The following NRXN1 variants were observed in gnomAD, a reference collection of about 807,000 sequenced individuals.
NRXN1 encodes the protein neurexin 1, also known as neurexin-1.
A neutral mutation model predicts 150.9 loss-of-function variants in NRXN1; 39 were observed. The observed-to-expected ratio is 0.26, with a 90% CI of 0.20 to 0.34. NRXN1 has a LOEUF of 0.34. Among genes scored for constraint, NRXN1 ranks in the 10% least tolerant of loss-of-function variants. The pLI is 1.00. For synonymous variants in NRXN1, 924 were observed against 757.0 expected (o/e 1.22, Z -3.62); for missense variants, 1,815 against 1,949.9 (o/e 0.93, Z 1.30).
intron 2 of NRXN1, among the ~76,000 whole-genome samples, chr2:50,983,610 C>T (rs80296495): frequency 2.0e-5 from 3 of 152,048 alleles, no homozygotes; most frequent in African/African-American, 7.2e-5. Context: ...AAAGGCTTCA[C>T]ATTTATTTGC....
At chr2:50,220,586 G>A (rs1003948719) in intron 18 of NRXN1, among the ~76,000 whole-genome samples, 2 of 151,950 alleles carry the variant, frequency 1.3e-5, no homozygotes, top group African/African-American at 4.8e-5. Context: ...TCAACAGGAC[G>A]TATCCAATTT....
At chr2:50,284,922 T>A (rs2071930004) in intron 17 of NRXN1, among the ~76,000 whole-genome samples, 1 of 151,778 alleles carries the variant, frequency 6.6e-6, no homozygotes, top group Non-Finnish European at 1.5e-5. Context: ...AAAAAAAGAG[T>A]TAAGTTCCTG....
At chr2:50,482,392 T>C (rs1473653736) in intron 15 of NRXN1, among the ~76,000 whole-genome samples, 3 of 152,196 alleles carry the variant, frequency 2.0e-5, no homozygotes, top group Admixed American at 2.0e-4. Flanking sequence ...TAGGTAAAAA[T>C]TGGGTACAAA....
At chr2:50,399,482 G>A (rs866975005) in intron 17 of NRXN1, among the ~76,000 whole-genome samples, 19 of 151,822 alleles carry the variant, frequency 1.3e-4, no homozygotes, top group Non-Finnish European at 2.2e-4. Context: ...AATAATTTTA[G>A]GCATGTTCTG....
intron 18 of NRXN1, among the ~76,000 whole-genome samples, chr2:50,123,010 C>T (rs1245382912): frequency 6.6e-6 from 1 of 152,084 alleles, no homozygotes; most frequent in Non-Finnish European, 1.5e-5. Flanking sequence ...ACTAAAGTAT[C>T]TATAATACTC....
At chr2:50,906,898 C>G (rs1202306426) in intron 5 of NRXN1, among the ~76,000 whole-genome samples, 1 of 151,948 alleles carries the variant, frequency 6.6e-6, no homozygotes, top group Non-Finnish European at 1.5e-5. Flanking sequence ...GGCACCCTGG[C>G]ATGCTGAGTA....
chr2:50,507,030 T>C (rs1271654871), intron 12 of NRXN1: 1 of 161,686 alleles, frequency 6.2e-6, no homozygotes, highest in Non-Finnish European at 1.4e-5. Context: ...GCTAACAAAG[T>C]GTCTAGCCAT....
chr2:51,017,034 A>G (rs1451224642), intron 2 of NRXN1, among the ~76,000 whole-genome samples: 2 of 151,822 alleles, frequency 1.3e-5, no homozygotes, highest in African/African-American at 4.8e-5. Context: ...TGATCTCACT[A>G]ATAATTGGGA....
chr2:50,577,407 T>C (rs1368827810), intron 8 of NRXN1, among the ~76,000 whole-genome samples: 1 of 152,098 alleles, frequency 6.6e-6, no homozygotes, highest in Non-Finnish European at 1.5e-5. Context: ...TATCTAATTC[T>C]ATGTCTCATT....
chr2:50,458,277 G>A (rs989248618), intron 17 of NRXN1, among the ~76,000 whole-genome samples: 14 of 152,042 alleles, frequency 9.2e-5, no homozygotes, highest in Admixed American at 6.6e-4. Context: ...GGTAACCAGA[G>A]GCCATAAAGG....
chr2:50,045,302 T>C (rs968485454), intron 21 of NRXN1, among the ~76,000 whole-genome samples: 3 of 152,198 alleles, frequency 2.0e-5, no homozygotes, highest in African/African-American at 4.8e-5. Context: ...TGAAGGAGAA[T>C]AGCAAGTATG....
At chr2:50,879,335 T>C (rs752674468) in intron 5 of NRXN1, among the ~76,000 whole-genome samples, 5 of 151,918 alleles carry the variant, frequency 3.3e-5, no homozygotes, top group Non-Finnish European at 7.4e-5. Flanking sequence ...AATCAAGCAA[T>C]CTATAAATAC....
intron 5 of NRXN1, among the ~76,000 whole-genome samples, chr2:50,649,044 T>C (rs1196941112): frequency 6.6e-6 from 1 of 151,990 alleles, no homozygotes; most frequent in Non-Finnish European, 1.5e-5. Context: ...GGATTAGGTT[T>C]TCCCTGATTT....
At chr2:51,031,651 A>C (rs544529965) in intron 1 of NRXN1, among the ~76,000 whole-genome samples, 1 of 152,282 alleles carries the variant, frequency 6.6e-6, no homozygotes, top group East Asian at 1.9e-4. Flanking sequence ...AACGATGGGC[A>C]CAGTGTGGGG....
chr2:50,143,754 G>A (rs75669843), intron 18 of NRXN1, among the ~76,000 whole-genome samples: 3,030 of 151,378 alleles, frequency 0.02, 109 homozygotes, highest in African/African-American at 0.07. Flanking sequence ...TCTAGATGCT[G>A]GCCATCTACA....
intron 5 of NRXN1, among the ~76,000 whole-genome samples, chr2:50,665,658 G>A (rs977357094): frequency 2.6e-5 from 4 of 151,944 alleles, no homozygotes; most frequent in South Asian, 2.1e-4. Flanking sequence ...ACAACACAGC[G>A]TATAAAATGG....
intron 5 of NRXN1, among the ~76,000 whole-genome samples, chr2:50,737,234 T>C (rs1467421868): frequency 6.6e-6 from 1 of 152,196 alleles, no homozygotes. Context: ...TTTGAGATGT[T>C]GGTGCTAATT....
chr2:50,704,456 A>G (rs780398018), intron 5 of NRXN1, among the ~76,000 whole-genome samples: 39 of 151,980 alleles, frequency 2.6e-4, no homozygotes, highest in Non-Finnish European at 5.6e-4. Context: ...GATATTTGCA[A>G]AAATATTTAA....
intron 2 of NRXN1, among the ~76,000 whole-genome samples, chr2:51,014,805 G>A (rs1668417715): frequency 6.6e-6 from 1 of 151,966 alleles, no homozygotes; most frequent in African/African-American, 2.4e-5. Context: ...GGGTTGTAGA[G>A]TAGACCAAAT....
Sources: gnomAD v4.1 joint callset for allele counts (sites outside exome capture counted in the v4.1 genomes callset) on GRCh38, gnomAD v4.1.1 for gene constraint, MANE v1.5 for transcripts, NCBI Gene and HGNC (gene_info 2026-07-23, HGNC 2026-07-21) for gene names.